The following PCDHGB2 variants were observed in gnomAD, a reference collection of about 807,000 sequenced individuals.
The protein encoded by PCDHGB2 is protocadherin gamma-B2.
PCDHGB2 carries 55 observed loss-of-function variants against 59.3 expected under a neutral mutation model. The ratio of observed to expected loss-of-function variants is 0.93; its 90% CI spans 0.75 to 1.16. The LOEUF is 1.16. PCDHGB2 is among the 50% of genes most tolerant of loss of function. PCDHGB2 has a pLI of 0.00. For missense variants in PCDHGB2, 1,228 were observed against 1,198.5 expected (o/e 1.02, Z -0.36); for synonymous variants, 516 against 512.0 (o/e 1.01, Z -0.11).
rs1221790863 is a variant in PCDHGB2 at position 141,360,291 on chromosome 5, G to A, written c.156G>A (p.Lys52=). 2 of 1,613,874 alleles carry A rather than the reference G, an allele frequency of 1.2e-6. No individual in the cohort carries two copies. The highest frequency in any genetic ancestry group is 2.7e-5 in the African/African-American group (2 of 74,898). Residue 52 remains lysine, a synonymous_variant, in exon 1 of 4, where the codon AAG becomes AAA. Transcript: ENST00000522605. ...AKNSVVGNLA[K]DLGLSVRDLP... ...ACTCGGTCGTAGGAAACCTCGCCAA[G>A]GATCTGGGGCTCAGCGTCCGGGACT...
chr5:141,487,661 C>A lies in PCDHGB2; in HGVS notation c.2422-7146C>A. ...ACAAATGCTTGAGGGTTATTCTGATCCAGGCATATGGCTAGGCCATGTCCT... is the reference window on the plus strand; with the variant it reads ...ACAAATGCTTGAGGGTTATTCTGATACAGGCATATGGCTAGGCCATGTCCT... On this transcript the variant is annotated intron_variant, in intron 1 of 3. Transcript: ENST00000522605. This position sits in a 1 kb window ranked among gnomAD's most constrained non-coding sequence, Gnocchi z 5.0. The A allele has an allele frequency of 6.2e-7, 1 of 1,613,366 alleles. No homozygotes were observed. Among genetic ancestry groups the A allele is most frequent in the Non-Finnish European group, 8.5e-7 (1 of 1,179,646 alleles).
intron 1 of PCDHGB2, chr5:141,409,290 G>T: frequency 6.2e-7 from 1 of 1,613,974 alleles, no homozygotes; most frequent in Non-Finnish European, 8.5e-7. Flanking sequence ...TCACCTCCAG[G>T]AATGGTTGTT....
chr5:141,404,902 C>T, intron 1 of PCDHGB2: 1 of 1,613,856 alleles, frequency 6.2e-7, no homozygotes, highest in Non-Finnish European at 8.5e-7. Context: ...AGGACCATGG[C>T]CAGCCCCCTC....
At chr5:141,480,285 T>C (rs1369369395) in intron 1 of PCDHGB2, among the ~76,000 whole-genome samples, 1 of 151,924 alleles carries the variant, frequency 6.6e-6, no homozygotes, top group East Asian at 1.9e-4. Flanking sequence ...TGTGTTGGCA[T>C]GCACCTGTGG....
At chr5:141,453,029 A>G (rs1014709934) in intron 1 of PCDHGB2, among the ~76,000 whole-genome samples, 1 of 152,206 alleles carries the variant, frequency 6.6e-6, no homozygotes, top group Non-Finnish European at 1.5e-5. Context: ...TCATTAAAAT[A>G]AAGTTTGTTT....
rs779426857 is a variant in PCDHGB2, at chr5:141,360,094, G to C, written c.-42G>C. The C allele has an allele frequency of 3.3e-6, 5 of 1,522,500 alleles. No homozygotes were observed. The African/African-American group carries it at 4.2e-5, about 13-fold the overall frequency. 94.3% of individuals were successfully genotyped at this position (1,522,500 alleles called of 1,614,324 possible). A position where few individuals can be genotyped will look rare whatever the true frequency, so the allele number is the denominator to read the frequency against. The stretch of plus-strand genomic sequence containing the variant: ...GCCCGGATTCTGCCATCCCCGGAAG[G>C]CTTATTCCTCCTATGGGCAAAGGAG... On this transcript the variant is annotated 5_prime_UTR_variant, in exon 1 of 4. Transcript: ENST00000522605.
chr5:141,393,900 G>C (rs1048161107), intron 1 of PCDHGB2: 1 of 1,613,906 alleles, frequency 6.2e-7, no homozygotes, highest in Non-Finnish European at 8.5e-7. Context: ...TTCTCTTCCC[G>C]GGACAGTAAT....
rs576937130 is a variant in PCDHGB2 at position 141,427,508 on chromosome 5, G to A, written c.2421+64952G>A. ...ATAAGCTTGTAACAGATGGGACCCT[G>A]GATTGGGAGCGGATCCCGGAGTACA... On this transcript the variant is annotated intron_variant, in intron 1 of 3. Transcript: ENST00000522605. 9.9e-4 allele frequency: 584 copies of A among 587,058 alleles called. 6 individuals carry two copies. The highest frequency in any genetic ancestry group is 3.0e-4 in the Non-Finnish European group (94 of 311,294). The allele number at this position is 587,058 out of a possible 1,614,324, so 36.4% of individuals were successfully genotyped here.
rs1388608588 is a variant in PCDHGB2 at position 141,481,102 on chromosome 5, A to T, written c.2422-13705A>T. The stretch of plus-strand genomic sequence containing the variant: ...GAAAAAAGAAAAGCAGTACTCTGGA[A>T]CCTACCAATCCATCATTTAGCATAT... On this transcript the variant is annotated intron_variant, in intron 1 of 3. Transcript: ENST00000522605. 3.3e-5 allele frequency among the ~76,000 whole-genome samples: 5 copies of T among 152,288 alleles called. No individual in the cohort carries two copies. The East Asian group carries it at 7.7e-4, about 24-fold the overall frequency.
chr5:141,423,482 A>G, intron 1 of PCDHGB2: 2 of 1,613,968 alleles, frequency 1.2e-6, no homozygotes, highest in African/African-American at 1.3e-5. Flanking sequence ...GCTTTCCTGC[A>G]AACCTATTCC....
intron 1 of PCDHGB2, chr5:141,366,311 A>T (rs1561537361): frequency 1.9e-6 from 3 of 1,613,766 alleles, no homozygotes; most frequent in Non-Finnish European, 2.5e-6. Context: ...CTTCACGGTC[A>T]CCGTTGCCGT....
At chr5:141,423,387 G>T (rs373190092) in intron 1 of PCDHGB2, 1 of 1,614,162 alleles carries the variant, frequency 6.2e-7, no homozygotes, top group Non-Finnish European at 8.5e-7. Context: ...TGTGGCGCTG[G>T]CATAAGTCAC....
intron 1 of PCDHGB2, chr5:141,424,482 T>C (rs779975685): frequency 1.3e-5 from 2 of 152,216 alleles, no homozygotes; most frequent in Non-Finnish European, 2.9e-5. Context: ...TACTTTGGTG[T>C]CTGTGTTTGT....
intron 1 of PCDHGB2, chr5:141,393,025 G>A (rs1307917992): frequency 6.2e-7 from 1 of 1,613,864 alleles, no homozygotes; most frequent in Non-Finnish European, 8.5e-7. Flanking sequence ...TCCAGAGGTA[G>A]GACGCAGCTC....
intron 1 of PCDHGB2, chr5:141,413,734 C>A: frequency 6.2e-7 from 1 of 1,613,422 alleles, no homozygotes; most frequent in Non-Finnish European, 8.5e-7. Context: ...CCTAAGAGTT[C>A]AGAGCCGTGC....
rs771867567 is a variant in PCDHGB2 at position 141,419,867 on chromosome 5, G to A, written c.2421+57311G>A. 3.1e-6 allele frequency: 5 copies of A among 1,614,086 alleles called. No homozygotes were observed. In the South Asian group the frequency reaches 5.5e-5, roughly 18 times the overall value. On this transcript the variant is annotated intron_variant, in intron 1 of 3. Transcript: ENST00000522605. Reference sequence around the variant, plus strand: ...CCTGGTGTTCGCAGATAGCTTGCAAGAGGTACTGCCGGATTTCAGCGACCA... The same window carrying A: ...CCTGGTGTTCGCAGATAGCTTGCAAAAGGTACTGCCGGATTTCAGCGACCA...
chr5:141,410,714 T>C (rs1561730445), intron 1 of PCDHGB2: 7 of 1,434,512 alleles, frequency 4.9e-6, no homozygotes, highest in Middle Eastern at 1.8e-4. Flanking sequence ...TAGAATCATA[T>C]GTTTAAAATC....
At chr5:141,463,417 G>A (rs548514637) in intron 1 of PCDHGB2, among the ~76,000 whole-genome samples, 1 of 146,650 alleles carries the variant, frequency 6.8e-6, no homozygotes, top group South Asian at 2.2e-4. Context: ...ATCCTAGTTT[G>A]CGGATCCTCA....
At chr5:141,505,332 A>C in intron 2 of PCDHGB2, 61 bp from the exon 3 acceptor site, 1 of 1,610,872 alleles carries the variant, frequency 6.2e-7, no homozygotes, top group South Asian at 1.1e-5. Flanking sequence ...GGGAGAGGAC[A>C]GGAGGGGCAT....
Sources: allele counts gnomAD v4.1 joint callset (sites outside exome capture counted in the v4.1 genomes callset), GRCh38; gene constraint gnomAD v4.1.1; non-coding constraint Gnocchi (gnomAD v3.1); transcripts MANE v1.5; gene names NCBI Gene and HGNC (gene_info 2026-07-23, HGNC 2026-07-21).